The following TSNARE1 variants were observed in gnomAD, a reference collection of about 807,000 sequenced individuals.
TSNARE1 encodes the protein t-SNARE domain containing 1, also known as t-SNARE domain-containing protein 1.
Under a neutral mutation model 62.0 loss-of-function variants are expected in TSNARE1, and 49 were observed. The ratio of observed to expected loss-of-function variants is 0.79; its 90% CI spans 0.63 to 1.00. The LOEUF (loss-of-function observed/expected upper bound fraction) is 1.00. TSNARE1 is among the 50% of genes least tolerant of loss of function. The pLI is 0.00. For missense variants in TSNARE1, 755 were observed against 700.1 expected (o/e 1.08, Z -0.88); for synonymous variants, 328 against 294.4 (o/e 1.11, Z -1.17).
chr8:142,215,574 G>A (rs566437280), intron 13 of TSNARE1, among the ~76,000 whole-genome samples: 3 of 151,976 alleles, frequency 2.0e-5, no homozygotes, highest in Non-Finnish European at 4.4e-5. Flanking sequence ...GCCCAGCCTC[G>A]AACCTGAGAA....
chr8:142,254,864 G>A (rs559448127), intron 12 of TSNARE1, among the ~76,000 whole-genome samples: 1 of 152,238 alleles, frequency 6.6e-6, no homozygotes, highest in East Asian at 1.9e-4. Context: ...TGCTGCACCC[G>A]GGGCTCTGGT....
chr8:142,297,227 G>A (rs145440958), intron 10 of TSNARE1, among the ~76,000 whole-genome samples: 46 of 152,336 alleles, frequency 3.0e-4, no homozygotes, highest in Admixed American at 1.1e-3. Context: ...GATGCTGGGC[G>A]TGGCCATCTG....
rs932220468 is a variant in TSNARE1, at chr8:142,306,552, G to A, written c.1132-5908C>T. Among the ~76,000 whole-genome samples, 14 of 152,170 alleles carry A rather than the reference G, an allele frequency of 9.2e-5. 1 individual carries two copies. The highest frequency in any genetic ancestry group is 7.3e-5 in the Non-Finnish European group (5 of 68,032). On this transcript the variant is annotated intron_variant, in intron 9 of 13. Coordinates refer to ENST00000524325, the MANE Select transcript of TSNARE1 (RefSeq NM_145003.5). ...CAGCCAGGATCGCCAACTCCACACAGGCTGAGCTGCTCACCCCACACCCAG... is the reference window on the plus strand; with the variant it reads ...CAGCCAGGATCGCCAACTCCACACAAGCTGAGCTGCTCACCCCACACCCAG...
chr8:142,277,249 C>T, intron 11 of TSNARE1: 1 of 985,392 alleles, frequency 1.0e-6, no homozygotes, highest in Non-Finnish European at 1.2e-6. Flanking sequence ...CCAAGGGATA[C>T]CCAAGCACTA....
At chr8:142,354,602 T>G in intron 2 of TSNARE1, 35 bp downstream of exon 2, 1 of 1,359,874 alleles carries the variant, frequency 7.4e-7, no homozygotes, top group Non-Finnish European at 1.0e-6. Flanking sequence ...TACCATCCCC[T>G]CCTCCCCGCC....
intron 4 of TSNARE1, 73 bp from the exon 5 acceptor site, chr8:142,331,904 T>G (rs1015905491): frequency 3.5e-6 from 5 of 1,430,422 alleles, no homozygotes; most frequent in Non-Finnish European, 3.9e-6. Flanking sequence ...TGCTAACCGC[T>G]CTGGGCAGCC....
chr8:142,235,979 C>T (rs560431207), intron 12 of TSNARE1, among the ~76,000 whole-genome samples: 1 of 152,174 alleles, frequency 6.6e-6, no homozygotes, highest in East Asian at 1.9e-4. Flanking sequence ...TGCAAGTCCC[C>T]CAGGGGAGAC....
At chr8:142,321,654 G>A (rs1829501599) in intron 6 of TSNARE1, among the ~76,000 whole-genome samples, 1 of 152,066 alleles carries the variant, frequency 6.6e-6, no homozygotes, top group African/African-American at 2.4e-5. Context: ...AACATTAAAA[G>A]AACATTACGG....
At chr8:142,282,493 C>T (rs1283904425) in intron 11 of TSNARE1, among the ~76,000 whole-genome samples, 2 of 151,286 alleles carry the variant, frequency 1.3e-5, no homozygotes, top group Non-Finnish European at 3.0e-5. Context: ...AGAGCAAAGG[C>T]GGGGTCAGTG....
chr8:142,273,991 T>C (rs1279005452), intron 12 of TSNARE1: 2 of 985,082 alleles, frequency 2.0e-6, no homozygotes, highest in Non-Finnish European at 2.4e-6. Flanking sequence ...CTGCCCCTGC[T>C]CCGCCCTCAA....
intron 1 of TSNARE1, among the ~76,000 whole-genome samples, chr8:142,361,754 C>G (rs796668631): frequency 1.3e-5 from 2 of 152,330 alleles, no homozygotes; most frequent in African/African-American, 4.8e-5. Flanking sequence ...GCGAGCTCCA[C>G]AGGCAAGGCC....
At chr8:142,389,437 G>A (rs1196122414) in intron 1 of TSNARE1, among the ~76,000 whole-genome samples, 1 of 152,180 alleles carries the variant, frequency 6.6e-6, no homozygotes, top group Non-Finnish European at 1.5e-5. Context: ...TTACAAAAGT[G>A]TGTACCCTTA....
chr8:142,308,471 C>G, intron 9 of TSNARE1, among the ~76,000 whole-genome samples: 1 of 152,166 alleles, frequency 6.6e-6, no homozygotes, highest in South Asian at 2.1e-4. Context: ...CACCCACCTC[C>G]CGTGGCAGGG....
intron 12 of TSNARE1, chr8:142,271,600 T>G: frequency 7.0e-7 from 1 of 1,432,188 alleles, no homozygotes; most frequent in Non-Finnish European, 9.1e-7. Context: ...AGACTCCTCG[T>G]AAGTCCAGGG....
rs1431752316 is a variant in TSNARE1, at chr8:142,344,067, T to G, written c.644A>C (p.Lys215Thr). 2 of 1,602,974 alleles carry G rather than the reference T, an allele frequency of 1.2e-6. No homozygotes were observed. Among genetic ancestry groups the G allele is most frequent in the African/African-American group, 1.3e-5 (1 of 74,806 alleles). Residue 215 changes from lysine (K) to threonine (T), a missense_variant, in exon 4 of 14, where the codon AAG becomes ACG. Transcript: ENST00000524325. ...AAHGPSPGSGKPQALALTPVE... is the reference protein window; with the variant it reads ...AAHGPSPGSGTPQALALTPVE... ...GGGCGTGAGAGCCAGGGCCTGGGGCTTGCCGGAACCAGGGCTGGGGCCATG... is the reference window on the plus strand; with the variant it reads ...GGGCGTGAGAGCCAGGGCCTGGGGCGTGCCGGAACCAGGGCTGGGGCCATG...
At chr8:142,288,999 C>T (rs1407613889) in intron 10 of TSNARE1, among the ~76,000 whole-genome samples, 2 of 152,174 alleles carry the variant, frequency 1.3e-5, no homozygotes, top group African/African-American at 2.4e-5. Flanking sequence ...TGACCTCTTT[C>T]GAGCGAACGC....
chr8:142,328,457 A>G (rs1410149293), intron 6 of TSNARE1, among the ~76,000 whole-genome samples: 1 of 152,230 alleles, frequency 6.6e-6, no homozygotes, highest in Non-Finnish European at 1.5e-5. Flanking sequence ...TTGTTAGCCA[A>G]TCAGGTCTAA....
chr8:142,404,472 A>C (rs940496948), upstream of TSNARE1: 26 of 152,398 alleles, frequency 1.7e-4, no homozygotes, highest in African/African-American at 5.8e-4. Context: ...CATGGGTGGG[A>C]GGGAAGAGGG....
In TSNARE1 at chr8:142,339,579, CAG is replaced by C. The variant is rs1832249853; in HGVS notation, c.745+4385_745+4386del. ...ACTGGCAAGGTTCACCCCAGGGAGA[CAG>C]GGTCACCTCTGAGGGCCTCATGGAG... On this transcript the variant is annotated intron_variant, in intron 4 of 13. Coordinates refer to ENST00000524325, the MANE Select transcript of TSNARE1 (RefSeq NM_145003.5). Among the ~76,000 whole-genome samples, 5 of 152,358 alleles carry C rather than the reference CAG, an allele frequency of 3.3e-5. No individual in the cohort carries two copies. The South Asian group carries it at 1.0e-3, about 32-fold the overall frequency.
Sources: allele counts gnomAD v4.1 joint callset (sites outside exome capture counted in the v4.1 genomes callset), GRCh38; gene constraint gnomAD v4.1.1; transcripts MANE v1.5; gene names NCBI Gene and HGNC (gene_info 2026-07-23, HGNC 2026-07-21).